Variants in RNF17 observed in about 807,000 individuals in gnomAD.
RNF17 encodes spermatogenesis associated 23.
A neutral mutation model predicts 200.5 loss-of-function variants in RNF17; 31 were observed. That is an observed-to-expected ratio of 0.15 (90% CI 0.12 to 0.21). RNF17 has a LOEUF of 0.21. RNF17 is among the 10% of genes least tolerant of loss of function. RNF17 has a pLI of 1.00. For missense variants in RNF17, 1,628 were observed against 1,905.1 expected, an observed-to-expected ratio of 0.85 and a Z score of 2.71; for synonymous variants, 606 against 637.8, an observed-to-expected ratio of 0.95 and a Z score of 0.75.
intron 15 of RNF17, among the ~76,000 whole-genome samples, chr13:24,822,592 T>C (rs1888196592): frequency 6.6e-6 from 1 of 152,036 alleles, no homozygotes; most frequent in African/African-American, 2.4e-5. Context: ...TGACTAATGT[T>C]GTATTTTTAG....
At chr13:24,837,320 A>G (rs1375465552) in intron 18 of RNF17, among the ~76,000 whole-genome samples, 1 of 152,204 alleles carries the variant, frequency 6.6e-6, no homozygotes, top group Non-Finnish European at 1.5e-5. Flanking sequence ...CAGGTCATCA[A>G]GACAGTCAAC....
chr13:24,846,491 C>A (rs1016044608), intron 22 of RNF17, among the ~76,000 whole-genome samples: 1 of 152,094 alleles, frequency 6.6e-6, no homozygotes, highest in African/African-American at 2.4e-5. Context: ...TAAAATTGTA[C>A]ATATAGGAAA....
At chr13:24,836,080 G>A (rs1889962978) in intron 18 of RNF17, among the ~76,000 whole-genome samples, 1 of 152,230 alleles carries the variant, frequency 6.6e-6, no homozygotes, top group African/African-American at 2.4e-5. Flanking sequence ...CAAGGTCTTC[G>A]AATTAACCTA....
At chr13:24,778,262 A>G in intron 3 of RNF17, 33 bp from the exon 4 acceptor site, 1 of 1,433,984 alleles carries the variant, frequency 7.0e-7, no homozygotes, top group East Asian at 2.3e-5. Flanking sequence ...ATCCTGTCAC[A>G]AAAAATAAAA....
chr13:24,824,481 C>A, intron 15 of RNF17: 1 of 293,414 alleles, frequency 3.4e-6, no homozygotes. Context: ...TCATTTTTTC[C>A]ATTGAAATAG....
At chr13:24,885,245 A>C in the RNF17 span, 1 of 1,358,358 alleles carries the variant, frequency 7.4e-7, no homozygotes. Context: ...TATTTTTTAT[A>C]GAATTCATTA....
At chr13:24,776,514 C>T (rs1881589678) in intron 3 of RNF17, among the ~76,000 whole-genome samples, 1 of 152,162 alleles carries the variant, frequency 6.6e-6, no homozygotes, top group African/African-American at 2.4e-5. Flanking sequence ...ACCAGTACTG[C>T]TCCCAACTCC....
intron 25 of RNF17, among the ~76,000 whole-genome samples, chr13:24,858,575 G>GATATATATATATATATATATATATAT (rs397770900): frequency 1.2e-3 from 168 of 143,172 alleles, no homozygotes; most frequent in South Asian, 5.5e-3. Context: ...ATCAGTTATG[G>GATATATATATATATATATATATATAT]ATATATATAT....
intron 32 of RNF17, 46 bp from the exon 33 acceptor site, chr13:24,874,068 T>A (rs1945270206): frequency 7.5e-6 from 12 of 1,596,448 alleles, no homozygotes; most frequent in African/African-American, 1.4e-5. Context: ...ATTAAAAAAA[T>A]TTAATGAAAG....
intron 3 of RNF17, among the ~76,000 whole-genome samples, chr13:24,776,281 C>A (rs1881557059): frequency 6.6e-6 from 1 of 152,162 alleles, no homozygotes; most frequent in Non-Finnish European, 1.5e-5. Flanking sequence ...TTCCTTAATG[C>A]TATAGTTGTT....
At chr13:24,853,805 G>T in intron 24 of RNF17, 50 bp from the exon 25 acceptor site, 2 of 1,381,364 alleles carry the variant, frequency 1.4e-6, no homozygotes, top group South Asian at 1.5e-5. Flanking sequence ...GTTTTACCCA[G>T]AATTTTATAT....
intron 24 of RNF17, among the ~76,000 whole-genome samples, chr13:24,852,577 G>A (rs934329315): frequency 6.6e-6 from 1 of 152,098 alleles, no homozygotes; most frequent in African/African-American, 2.4e-5. Flanking sequence ...TTTAGAACAG[G>A]GATCCCAGTC....
At chr13:24,823,193 C>A (rs1231422988) in intron 15 of RNF17, among the ~76,000 whole-genome samples, 3 of 152,110 alleles carry the variant, frequency 2.0e-5, no homozygotes, top group African/African-American at 7.2e-5. Context: ...CCTGCCTCAG[C>A]CTCCTGAATA....
intron 25 of RNF17, among the ~76,000 whole-genome samples, chr13:24,855,411 C>T (rs1892366954): frequency 6.6e-6 from 1 of 151,974 alleles, no homozygotes; most frequent in South Asian, 2.1e-4. Context: ...GGGTGGATCA[C>T]AAGGTCAGGA....
chr13:24,770,833 A>G (rs1687180968), intron 2 of RNF17, among the ~76,000 whole-genome samples: 1 of 152,188 alleles, frequency 6.6e-6, no homozygotes, highest in African/African-American at 2.4e-5. Context: ...ATTGATAAAC[A>G]TTTAGTTTTA....
chr13:24,847,795 G>A (rs886336104), intron 22 of RNF17, among the ~76,000 whole-genome samples: 1 of 152,112 alleles, frequency 6.6e-6, no homozygotes, highest in East Asian at 1.9e-4. Context: ...CACTGATGGT[G>A]ACAATGGGAC....
intron 3 of RNF17, among the ~76,000 whole-genome samples, chr13:24,775,629 A>G (rs1448782181): frequency 2.6e-5 from 4 of 152,228 alleles, no homozygotes; most frequent in African/African-American, 9.6e-5. Context: ...GTGATTTATA[A>G]AAGGAAAAAT....
chr13:24,835,395 A>G (rs1287223439), intron 18 of RNF17, among the ~76,000 whole-genome samples: 4 of 151,988 alleles, frequency 2.6e-5, no homozygotes, highest in African/African-American at 9.7e-5. Flanking sequence ...TAAACCACCA[A>G]AGCTAAGAAC....
At chr13:24,800,830 G>A (rs903898549) in intron 13 of RNF17, among the ~76,000 whole-genome samples, 2 of 152,166 alleles carry the variant, frequency 1.3e-5, no homozygotes, top group Non-Finnish European at 2.9e-5. Context: ...TATGATGTGT[G>A]TGTTTCTCTA....
Sources: allele counts gnomAD v4.1 joint callset (sites outside exome capture counted in the v4.1 genomes callset), GRCh38; gene constraint gnomAD v4.1.1; transcripts MANE v1.5; gene names NCBI Gene and HGNC (gene_info 2026-07-23, HGNC 2026-07-21).